The following SPATA17 variants were observed in gnomAD, a reference collection of about 807,000 sequenced individuals.
SPATA17 encodes the protein spermatogenesis associated 17.
Under a neutral mutation model 62.2 loss-of-function variants are expected in SPATA17, and 53 were observed. That is an observed-to-expected ratio of 0.85 (90% CI 0.68 to 1.07). The LOEUF (loss-of-function observed/expected upper bound fraction) is 1.07, where lower values mean the gene tolerates loss of function less well. Ranked by LOEUF, SPATA17 falls within the 50% of genes least tolerant of loss-of-function variation. The pLI, the probability that SPATA17 is intolerant of heterozygous loss-of-function variation, is 0.00. For synonymous variants in SPATA17, 146 were observed against 146.8 expected (o/e 0.99, Z 0.04); for missense variants, 466 against 425.5 (o/e 1.10, Z -0.84).
intron 9 of SPATA17, among the ~76,000 whole-genome samples, chr1:217,848,537 C>A (rs1675577303): frequency 6.6e-6 from 1 of 152,064 alleles, no homozygotes; most frequent in South Asian, 2.1e-4. Context: ...TTATTACTTA[C>A]CTTCTTCTCC....
rs749635332 is a variant in SPATA17, at chr1:217,801,712, T to C, written c.873-6T>C. On this transcript the variant is annotated splice_region_variant and splice_polypyrimidine_tract_variant and intron_variant, in intron 8 of 10. Transcript: ENST00000366933. ...GTTAAGAATAGCTCTTAAATATTTC[T>C]TTCAGGTTTTTGCCATTTTCTTCAT... 3 of 1,587,674 alleles carry C rather than the reference T, an allele frequency of 1.9e-6. No homozygotes were observed. The highest frequency in any genetic ancestry group is 2.6e-6 in the Non-Finnish European group (3 of 1,170,814).
chr1:217,711,359 A>G (rs868195739), intron 5 of SPATA17, among the ~76,000 whole-genome samples: 3 of 152,296 alleles, frequency 2.0e-5, no homozygotes, highest in Middle Eastern at 3.4e-3. Context: ...TTCACGTACA[A>G]GTTTTTATGT....
At chr1:217,797,173 T>A (rs1674169755) in intron 8 of SPATA17, among the ~76,000 whole-genome samples, 1 of 152,144 alleles carries the variant, frequency 6.6e-6, no homozygotes, top group African/African-American at 2.4e-5. Context: ...CATCTGATAA[T>A]GAGATCAGGC....
chr1:217,717,113 A>G (rs1301696902), intron 5 of SPATA17, among the ~76,000 whole-genome samples: 1 of 152,212 alleles, frequency 6.6e-6, no homozygotes, highest in African/African-American at 2.4e-5. Context: ...CTAGGCACAC[A>G]TTAAGACCCA....
intron 6 of SPATA17, among the ~76,000 whole-genome samples, chr1:217,745,801 C>T (rs1359249158): frequency 1.3e-5 from 2 of 151,980 alleles, no homozygotes; most frequent in East Asian, 3.9e-4. Context: ...TGGAAATTGT[C>T]AACTTTTCAC....
At chr1:217,850,284 C>A in intron 9 of SPATA17, 6 of 345,438 alleles carry the variant, frequency 1.7e-5, no homozygotes, top group Admixed American at 4.0e-5. Context: ...CCTTTATTAA[C>A]ATTTTGAACA....
intron 1 of SPATA17, among the ~76,000 whole-genome samples, chr1:217,633,928 G>T (rs1256905407): frequency 2.6e-5 from 4 of 152,230 alleles, no homozygotes; most frequent in Non-Finnish European, 5.9e-5. Context: ...AAGCTCCTCT[G>T]CCTAACAAAG....
chr1:217,759,456 C>A lies in SPATA17; in HGVS notation c.520-14878C>A, dbSNP rs533939531. ...CCTGGGCAAAAGAGTAAGACTATGC[C>A]TTAAAAAAAAAAGGAAAAAGTAGAT... is the stretch of plus-strand genomic sequence containing the variant. On this transcript the variant is annotated intron_variant, in intron 6 of 10. Transcript: ENST00000366933. Among the ~76,000 whole-genome samples the A allele has an allele frequency of 2.6e-4, 39 of 151,460 alleles. 1 individual carries two copies. Among genetic ancestry groups the A allele is most frequent in the South Asian group, 6.2e-4 (3 of 4,810 alleles).
chr1:217,784,371 C>T (rs1263449067), intron 8 of SPATA17, among the ~76,000 whole-genome samples: 2 of 152,018 alleles, frequency 1.3e-5, no homozygotes, highest in Non-Finnish European at 2.9e-5. Context: ...ATGTTAAGGA[C>T]TCAAAGGGTA....
chr1:217,681,618 C>G (rs185501991), intron 4 of SPATA17, among the ~76,000 whole-genome samples: 2 of 152,016 alleles, frequency 1.3e-5, no homozygotes, highest in Non-Finnish European at 2.9e-5. Flanking sequence ...AGGCTGGTCT[C>G]GAACTCCAGA....
chr1:217,726,127 G>C (rs1366729171), intron 5 of SPATA17, among the ~76,000 whole-genome samples: 6 of 152,122 alleles, frequency 3.9e-5, no homozygotes. Flanking sequence ...TTGATGGCTT[G>C]TTTTCTTGCT....
chr1:217,858,109 A>G (rs1271254762), intron 9 of SPATA17, among the ~76,000 whole-genome samples: 1 of 152,222 alleles, frequency 6.6e-6, no homozygotes, highest in Admixed American at 6.5e-5. Context: ...GTTTATTTTT[A>G]TCTCATTTGT....
chr1:217,780,477 T>C (rs1673705276), intron 7 of SPATA17, among the ~76,000 whole-genome samples: 1 of 152,172 alleles, frequency 6.6e-6, no homozygotes, highest in Non-Finnish European at 1.5e-5. Context: ...TTCTTCTCTT[T>C]CATTTTGTAG....
At chr1:217,847,751 A>G (rs1266169577) in intron 9 of SPATA17, among the ~76,000 whole-genome samples, 1 of 152,178 alleles carries the variant, frequency 6.6e-6, no homozygotes, top group Non-Finnish European at 1.5e-5. Context: ...TATAAATGAC[A>G]TTAAAAATAT....
chr1:217,740,793 T>C (rs1259246906), intron 5 of SPATA17, among the ~76,000 whole-genome samples: 1 of 152,166 alleles, frequency 6.6e-6, no homozygotes, highest in East Asian at 1.9e-4. Context: ...TTTTTTCATA[T>C]TAATAAGCAA....
chr1:217,794,842 G>A (rs1181657440), intron 8 of SPATA17, among the ~76,000 whole-genome samples: 1 of 152,186 alleles, frequency 6.6e-6, no homozygotes, highest in Admixed American at 6.5e-5. Context: ...TTCACAAACA[G>A]TAAGTGCTAA....
intron 9 of SPATA17, among the ~76,000 whole-genome samples, chr1:217,842,418 T>A (rs1285063715): frequency 6.6e-6 from 1 of 152,028 alleles, no homozygotes; most frequent in Admixed American, 6.6e-5. Flanking sequence ...AACTCACTAG[T>A]GAGCCTATTG....
At chr1:217,800,967 T>A (rs1674294520) in intron 8 of SPATA17, among the ~76,000 whole-genome samples, 1 of 152,176 alleles carries the variant, frequency 6.6e-6, no homozygotes, top group Non-Finnish European at 1.5e-5. Context: ...AGTTTGGTCT[T>A]TTCTGTTGAT....
chr1:217,759,528 C>A (rs578157200), intron 6 of SPATA17, among the ~76,000 whole-genome samples: 10 of 152,102 alleles, frequency 6.6e-5, no homozygotes, highest in African/African-American at 2.4e-4. Flanking sequence ...TAAGGAAAAC[C>A]TTTCTGTGGT....
Sources: gnomAD v4.1 joint callset for allele counts (sites outside exome capture counted in the v4.1 genomes callset) on GRCh38, gnomAD v4.1.1 for gene constraint, MANE v1.5 for transcripts, NCBI Gene and HGNC (gene_info 2026-07-23, HGNC 2026-07-21) for gene names.